The following MATCAP2 variants were observed in gnomAD, a reference collection of about 807,000 sequenced individuals.
MATCAP2 encodes microtubule associated tyrosine carboxypeptidase 2.
chr7:36,334,535 C>CA, the MATCAP2 span, among the ~76,000 whole-genome samples: 422 of 49,526 alleles, frequency 8.5e-3, 42 homozygotes, highest in Middle Eastern at 0.026. Flanking sequence ...GATCCCATCT[C>CA]AAAAAAAAAA....
chr7:36,345,509 C>A, the MATCAP2 span, among the ~76,000 whole-genome samples: 4 of 152,138 alleles, frequency 2.6e-5, no homozygotes, highest in Non-Finnish European at 5.9e-5. Context: ...CAATGCCACA[C>A]AAAATAGAAT....
chr7:36,380,949 G>T, the MATCAP2 span, among the ~76,000 whole-genome samples: 1 of 152,032 alleles, frequency 6.6e-6, no homozygotes, highest in African/African-American at 2.4e-5. Context: ...CAGGCTGGTG[G>T]TTTGGTTTTG....
chr7:36,339,040 T>G, the MATCAP2 span, among the ~76,000 whole-genome samples: 1 of 152,224 alleles, frequency 6.6e-6, no homozygotes, highest in African/African-American at 2.4e-5. Context: ...AAAACCAAGC[T>G]GTAACCCAAC....
At chr7:36,362,869 A>G in the MATCAP2 span, among the ~76,000 whole-genome samples, 4 of 152,210 alleles carry the variant, frequency 2.6e-5, no homozygotes, top group African/African-American at 9.6e-5. Context: ...TTAGACCCTC[A>G]TAACACCTTG....
the MATCAP2 span, chr7:36,367,124 G>A: frequency 4.1e-6 from 5 of 1,227,944 alleles, no homozygotes; most frequent in African/African-American, 4.7e-5. Context: ...CACTGACTGT[G>A]AGCAGCGCTT....
the MATCAP2 span, chr7:36,357,216 A>G: frequency 2.5e-6 from 4 of 1,614,132 alleles, no homozygotes; most frequent in South Asian, 3.3e-5. Flanking sequence ...TCATGTGTAA[A>G]CTTTACAGGA....
the MATCAP2 span, among the ~76,000 whole-genome samples, chr7:36,387,617 A>C: frequency 0.018 from 2,680 of 152,298 alleles, 38 homozygotes; most frequent in Middle Eastern, 0.027. Context: ...TTTCAGTCTT[A>C]GGAGTTATTT....
the MATCAP2 span, among the ~76,000 whole-genome samples, chr7:36,372,382 A>G: frequency 6.6e-6 from 1 of 152,246 alleles, no homozygotes; most frequent in Non-Finnish European, 1.5e-5. Context: ...TGGCTTTAAA[A>G]AAAATTTCAG....
chr7:36,339,862 C>T, the MATCAP2 span, among the ~76,000 whole-genome samples: 8 of 152,060 alleles, frequency 5.3e-5, no homozygotes, highest in African/African-American at 1.4e-4. Flanking sequence ...TTTCTTGAAA[C>T]GGAGTCTCAC....
the MATCAP2 span, among the ~76,000 whole-genome samples, chr7:36,331,810 TATTAA>T: frequency 6.6e-6 from 1 of 152,242 alleles, no homozygotes; most frequent in African/African-American, 2.4e-5. Context: ...AATTTTGCTC[TATTAA>T]ATTAATTAAA....
chr7:36,326,937 A>T, the MATCAP2 span: 1 of 1,598,284 alleles, frequency 6.3e-7, no homozygotes. Flanking sequence ...AAGGAAGATG[A>T]GTTAAATTAA....
chr7:36,325,528 C>G, the MATCAP2 span: 1 of 152,170 alleles, frequency 6.6e-6, no homozygotes, highest in African/African-American at 2.4e-5. Flanking sequence ...TTTAAGCCTG[C>G]ACTGAGGTAA....
chr7:36,340,153 C>G, the MATCAP2 span, among the ~76,000 whole-genome samples: 1 of 152,230 alleles, frequency 6.6e-6, no homozygotes, highest in Non-Finnish European at 1.5e-5. Flanking sequence ...TAGGCATGAG[C>G]CACCGCGCTT....
the MATCAP2 span, among the ~76,000 whole-genome samples, chr7:36,370,372 T>G: frequency 6.6e-6 from 1 of 152,262 alleles, no homozygotes; most frequent in African/African-American, 2.4e-5. Flanking sequence ...CCATTAATAT[T>G]GAGACAAGAT....
chr7:36,346,820 G>A, the MATCAP2 span, among the ~76,000 whole-genome samples: 3 of 152,266 alleles, frequency 2.0e-5, no homozygotes, highest in East Asian at 5.8e-4. Flanking sequence ...GAGTGCAGTG[G>A]CACGATCTTG....
chr7:36,364,920 T>C, the MATCAP2 span, among the ~76,000 whole-genome samples: 1 of 152,254 alleles, frequency 6.6e-6, no homozygotes, highest in Non-Finnish European at 1.5e-5. Flanking sequence ...AAATGGCTAT[T>C]TGAACTTTAT....
chr7:36,337,336 G>T, the MATCAP2 span, among the ~76,000 whole-genome samples: 1 of 151,830 alleles, frequency 6.6e-6, no homozygotes, highest in Non-Finnish European at 1.5e-5. Context: ...GCAGAATGGA[G>T]AACTAAAAAT....
At chr7:36,375,135 A>G in the MATCAP2 span, among the ~76,000 whole-genome samples, 3 of 152,156 alleles carry the variant, frequency 2.0e-5, no homozygotes, top group African/African-American at 7.2e-5. Flanking sequence ...ACAATGGTTG[A>G]ACTAGTTTAT....
the MATCAP2 span, among the ~76,000 whole-genome samples, chr7:36,334,672 CAT>C: frequency 6.6e-6 from 1 of 151,390 alleles, no homozygotes; most frequent in Non-Finnish European, 1.5e-5. Flanking sequence ...AAAAGGATCA[CAT>C]GTCTCAAGAG....
Sources: gnomAD v4.1 joint callset for allele counts (sites outside exome capture counted in the v4.1 genomes callset) on GRCh38, gnomAD v4.1.1 for gene constraint, MANE v1.5 for transcripts, NCBI Gene and HGNC (gene_info 2026-07-23, HGNC 2026-07-21) for gene names.